Variants in ASAP2 observed in about 807,000 individuals in gnomAD.
The protein encoded by ASAP2 is ArfGAP with SH3 domain, ankyrin repeat and PH domain 2, also known as arf-GAP with SH3 domain, ANK repeat and PH domain-containing protein 2.
A neutral mutation model predicts 131.4 loss-of-function variants in ASAP2; 45 were observed. The ratio of observed to expected loss-of-function variants is 0.34; its 90% CI spans 0.27 to 0.44. The LOEUF is 0.44. Ranked by LOEUF, ASAP2 falls within the 20% of genes least tolerant of loss-of-function variation. ASAP2 has a pLI of 1.00. For missense variants in ASAP2, 1,011 were observed against 1,297.0 expected (o/e 0.78, Z 3.39); for synonymous variants, 510 against 503.0 (o/e 1.01, Z -0.19).
chr2:9,325,639 C>T (rs1018235593), intron 6 of ASAP2, among the ~76,000 whole-genome samples: 3 of 152,192 alleles, frequency 2.0e-5, no homozygotes, highest in South Asian at 2.1e-4. Flanking sequence ...TTGGCTCTGT[C>T]GTTGCTTCCT....
chr2:9,337,472 T>C (rs1054468002), intron 9 of ASAP2, among the ~76,000 whole-genome samples: 2 of 152,254 alleles, frequency 1.3e-5, no homozygotes. Flanking sequence ...GGTTGGATTT[T>C]CTTCTGTGAC....
chr2:9,357,445 C>T (rs1672793691), intron 14 of ASAP2, among the ~76,000 whole-genome samples: 1 of 152,190 alleles, frequency 6.6e-6, no homozygotes, highest in Admixed American at 6.5e-5. Flanking sequence ...CGCCACTGCA[C>T]TCCAGCCTGG....
At chr2:9,212,658 A>G (rs770602598) in intron 1 of ASAP2, among the ~76,000 whole-genome samples, 12 of 152,124 alleles carry the variant, frequency 7.9e-5, no homozygotes, top group Non-Finnish European at 1.3e-4. Flanking sequence ...GAGCATATAC[A>G]TGCATTCCAG....
intron 26 of ASAP2, 94 bp downstream of exon 26, chr2:9,400,924 TC>T (rs2148830570): frequency 1.6e-6 from 2 of 1,286,398 alleles, no homozygotes; most frequent in East Asian, 4.9e-5. Flanking sequence ...CTTCCCCTCT[TC>T]CCCTGGCTGG....
intron 19 of ASAP2, 42 bp from the exon 20 acceptor site, chr2:9,380,699 G>A (rs1674768844): frequency 6.3e-7 from 1 of 1,595,156 alleles, no homozygotes; most frequent in Non-Finnish European, 8.6e-7. Flanking sequence ...GCCTTTGCTG[G>A]GTTTTGCCTT....
intron 1 of ASAP2, among the ~76,000 whole-genome samples, chr2:9,253,713 GA>G (rs1664890258): frequency 6.6e-6 from 1 of 152,068 alleles, no homozygotes; most frequent in Non-Finnish European, 1.5e-5. Context: ...TAGTGCCCTG[GA>G]GATTACAATG....
chr2:9,327,073 C>T (rs1373160871), intron 6 of ASAP2, among the ~76,000 whole-genome samples: 2 of 152,208 alleles, frequency 1.3e-5, no homozygotes, highest in Non-Finnish European at 2.9e-5. Flanking sequence ...CAGCTTTCCA[C>T]CTCCTCCTTG....
At chr2:9,221,323 C>CTTTTTT (rs35784307) in intron 1 of ASAP2, among the ~76,000 whole-genome samples, 6 of 132,012 alleles carry the variant, frequency 4.5e-5, no homozygotes, top group Admixed American at 1.5e-4. Context: ...CTTTTCTTTT[C>CTTTTTT]TTTTTTTTTT....
chr2:9,254,839 G>A (rs1283425642), intron 1 of ASAP2, among the ~76,000 whole-genome samples: 1 of 152,044 alleles, frequency 6.6e-6, no homozygotes, highest in African/African-American at 2.4e-5. Flanking sequence ...TGGGCATTTG[G>A]GTTCTTTCCA....
intron 3 of ASAP2, among the ~76,000 whole-genome samples, chr2:9,300,238 AC>A (rs1572388808): frequency 6.6e-6 from 1 of 152,364 alleles, no homozygotes; most frequent in African/African-American, 2.4e-5. Context: ...TGTCTCAAAA[AC>A]AAAAGAAGCA....
intron 19 of ASAP2, 92 bp from the exon 20 acceptor site, chr2:9,380,649 C>A (rs1674766007): frequency 8.4e-7 from 1 of 1,193,792 alleles, no homozygotes; most frequent in Non-Finnish European, 1.3e-6. Flanking sequence ...TAATTTAGTG[C>A]TGCCTTTCTG....
chr2:9,348,994 C>T (rs1167499133), intron 11 of ASAP2, among the ~76,000 whole-genome samples: 3 of 152,150 alleles, frequency 2.0e-5, no homozygotes, highest in Admixed American at 6.5e-5. Context: ...CTTCCCCGCT[C>T]CCTAGCTGTA....
intron 27 of ASAP2, 82 bp from the exon 28 acceptor site, chr2:9,403,171 C>G: frequency 3.2e-6 from 4 of 1,231,330 alleles, no homozygotes; most frequent in Admixed American, 3.9e-5. Flanking sequence ...CTTTTCTTCA[C>G]CAAACGCTCT....
At chr2:9,214,803 A>G (rs1380206794) in intron 1 of ASAP2, among the ~76,000 whole-genome samples, 1 of 151,098 alleles carries the variant, frequency 6.6e-6, no homozygotes, top group East Asian at 1.9e-4. Flanking sequence ...AAAAAAGTGA[A>G]CAGGACTAGC....
In ASAP2 at chr2:9,393,660, C is replaced by A; in HGVS notation, c.2684+13C>A. 6.4e-7 allele frequency: 1 copy of A among 1,555,062 alleles called. No individual in the cohort carries two copies. Among genetic ancestry groups the A allele is most frequent in the Non-Finnish European group, 8.7e-7 (1 of 1,155,104 alleles). ...AGCCTGCGCCGGGGTAAGCCACCCC[C>A]AGCCAGCTCGGCCATCCGTGCTCCT... On this transcript the variant is annotated intron_variant, in intron 24 of 27. Transcript: ENST00000281419.
At position 9,269,924 on chromosome 2, in the gene ASAP2, C is replaced by T. The variant is rs1474172883; in HGVS notation, c.127-9393C>T. ...CCACACACTGTCCCCGTCCCCTGTC[C>T]TGGCTCCAGCTCAGCTGAGCAGCAG... On this transcript the variant is annotated intron_variant, in intron 1 of 27. Transcript: ENST00000281419. Among the ~76,000 whole-genome samples, 3 of 152,222 alleles carry T rather than the reference C, an allele frequency of 2.0e-5. No individual in the cohort carries two copies. In the East Asian group the frequency reaches 5.8e-4, roughly 29 times the overall value.
At chr2:9,317,764 ACAAT>A (rs1400661103) in intron 3 of ASAP2, among the ~76,000 whole-genome samples, 4 of 151,398 alleles carry the variant, frequency 2.6e-5, no homozygotes, top group African/African-American at 9.7e-5. Flanking sequence ...ACATCCGTAC[ACAAT>A]CACACCCTCA....
At chr2:9,260,691 C>A (rs1665517710) in intron 1 of ASAP2, among the ~76,000 whole-genome samples, 1 of 152,144 alleles carries the variant, frequency 6.6e-6, no homozygotes, top group South Asian at 2.1e-4. Context: ...TTTCTCCTCC[C>A]TGCTTCCCAT....
intron 2 of ASAP2, among the ~76,000 whole-genome samples, chr2:9,290,183 ATATTC>A (rs1189834356): frequency 6.6e-6 from 1 of 152,076 alleles, no homozygotes; most frequent in African/African-American, 2.4e-5. Flanking sequence ...AGAGAAAGAC[ATATTC>A]TAATGTTATT....
Sources: allele counts gnomAD v4.1 joint callset (sites outside exome capture counted in the v4.1 genomes callset), GRCh38; gene constraint gnomAD v4.1.1; transcripts MANE v1.5; gene names NCBI Gene and HGNC (gene_info 2026-07-23, HGNC 2026-07-21).